MCM9: variants seen among roughly 807,000 people sequenced by gnomAD.
MCM9 encodes the protein DNA helicase MCM9.
In MCM9, 55 loss-of-function variants were observed where a neutral mutation model predicts 72.8. That is an observed-to-expected ratio of 0.76 (90% CI 0.61 to 0.95). The LOEUF (loss-of-function observed/expected upper bound fraction) is 0.95. Among genes scored for constraint, MCM9 ranks in the 40% least tolerant of loss-of-function variants. The probability of loss-of-function intolerance (pLI) is 0.00; values close to 1 mark genes in which losing one functional copy is unlikely to be tolerated. For synonymous variants in MCM9, 480 were observed against 503.4 expected (o/e 0.95, Z 0.62); for missense variants, 1,279 against 1,377.0 (o/e 0.93, Z 1.13).
chr6:118,838,213 G>C (rs569953507), intron 9 of MCM9, among the ~76,000 whole-genome samples: 1 of 148,088 alleles, frequency 6.8e-6, no homozygotes, highest in Admixed American at 6.8e-5. Flanking sequence ...CAGGTTGTGA[G>C]TGCAGTGGCA....
intron 9 of MCM9, among the ~76,000 whole-genome samples, chr6:118,843,720 G>GTATGTATGTA (rs1775657861): frequency 1.3e-3 from 130 of 101,976 alleles, no homozygotes; most frequent in Non-Finnish European, 2.0e-3. Flanking sequence ...ATATATATAT[G>GTATGTATGTA]TATATATATA....
chr6:118,850,034 G>A (rs794870), intron 9 of MCM9, among the ~76,000 whole-genome samples: 121,898 of 151,778 alleles, frequency 0.8, 49,724 homozygotes, highest in South Asian at 0.92. Flanking sequence ...GCTATATTTT[G>A]CAAATTTGGA....
intron 8 of MCM9, among the ~76,000 whole-genome samples, chr6:118,910,116 CAAAA>C (rs67533661): frequency 0.029 from 3,176 of 110,752 alleles, 151 homozygotes; most frequent in Admixed American, 0.14. Context: ...GACTCTATCT[CAAAA>C]AAAAAAAAAA....
At chr6:118,844,899 C>A (rs893428795) in intron 9 of MCM9, among the ~76,000 whole-genome samples, 1 of 151,838 alleles carries the variant, frequency 6.6e-6, no homozygotes, top group Admixed American at 6.6e-5. Context: ...GTCTTCATTA[C>A]AGTTCTGGAC....
At chr6:118,912,464 A>C (rs1290831964) in intron 7 of MCM9, 1 of 152,212 alleles carries the variant, frequency 6.6e-6, no homozygotes, top group Admixed American at 6.5e-5. Context: ...TCACTGACCA[A>C]GTTTCTTCAG....
intron 8 of MCM9, among the ~76,000 whole-genome samples, chr6:118,894,991 C>T (rs1779270228): frequency 6.6e-6 from 1 of 152,164 alleles, no homozygotes; most frequent in Admixed American, 6.5e-5. Context: ...GCGACCCCGG[C>T]GCACGGCGCC....
chr6:118,857,041 T>C (rs763203739), intron 8 of MCM9, among the ~76,000 whole-genome samples: 1 of 152,220 alleles, frequency 6.6e-6, no homozygotes, highest in Non-Finnish European at 1.5e-5. Flanking sequence ...TAAGCTCCTA[T>C]GTTCTAAAAA....
chr6:118,867,633 C>T (rs184487693), intron 8 of MCM9, among the ~76,000 whole-genome samples: 192 of 152,196 alleles, frequency 1.3e-3, no homozygotes, highest in African/African-American at 4.4e-3. Context: ...CAGTAACATG[C>T]TGTACAGGTT....
At position 118,930,242 on chromosome 6, in the gene MCM9, C is replaced by T. The variant is rs1019157021; in HGVS notation, c.304+1178G>A. ...TCTCCTGCCTCAGCCTTCTGAGTAG[C>T]TGGGACTACAGGCGCCCGCCACCAT... On this transcript the variant is annotated intron_variant, in intron 3 of 13. Coordinates refer to ENST00000619706, the MANE Select transcript of MCM9 (RefSeq NM_017696.3). Among the ~76,000 whole-genome samples, 3 of 152,108 alleles carry T rather than the reference C, an allele frequency of 2.0e-5. 1 individual carries two copies. The highest frequency in any genetic ancestry group is 2.0e-4 in the Admixed American group (3 of 15,276).
Position 118,874,155 on chromosome 6 carries a change from T to G in MCM9, c.1151-17610A>C, listed in dbSNP as rs189181826. Among the ~76,000 whole-genome samples the G allele has an allele frequency of 6.2e-4, 95 of 152,238 alleles. 3 individuals carry two copies. In the East Asian group the frequency reaches 0.018, roughly 28 times the overall value. On this transcript the variant is annotated intron_variant, in intron 8 of 13. Coordinates refer to ENST00000619706, the MANE Select transcript of MCM9 (RefSeq NM_017696.3). ...CTGTAGTCCTAGCTACTCAGGAGGC[T>G]GAGGTGGGAGGATCACTTGAACCTG...
intron 7 of MCM9, 194 bp from the exon 8 acceptor site, chr6:118,911,963 C>A: frequency 2.4e-6 from 1 of 424,590 alleles, no homozygotes. Flanking sequence ...GACATAGAAT[C>A]TAAATTCTAT....
rs149472463 is a variant in MCM9, at chr6:118,846,179, A to C, written c.1325+10192T>G. On this transcript the variant is annotated intron_variant, in intron 9 of 13. Transcript: ENST00000619706. The stretch of plus-strand genomic sequence containing the variant: ...GATAATGGCAGCTACTTATAGCCAT[A>C]CTTCAACATATCCTCCAAAGACCTT... Among the ~76,000 whole-genome samples the C allele has an allele frequency of 4.5e-3, 680 of 152,102 alleles. 14 individuals carry two copies. The East Asian group carries it at 0.048, about 11-fold the overall frequency.
intron 9 of MCM9, among the ~76,000 whole-genome samples, chr6:118,852,299 A>G (rs1776281181): frequency 6.6e-6 from 1 of 152,212 alleles, no homozygotes; most frequent in Admixed American, 6.5e-5. Context: ...GATGGTTTAA[A>G]GGAGAAATAA....
intron 8 of MCM9, among the ~76,000 whole-genome samples, chr6:118,874,127 T>C (rs967130565): frequency 6.6e-6 from 1 of 151,946 alleles, no homozygotes; most frequent in African/African-American, 2.4e-5. Context: ...TGGTGGTGCA[T>C]GCCTGTAGTC....
At chr6:118,843,702 A>ATATGTATGTGTGTGTG (rs1562407268) in intron 9 of MCM9, among the ~76,000 whole-genome samples, 4 of 44,804 alleles carry the variant, frequency 8.9e-5, no homozygotes, top group African/African-American at 3.8e-4. Context: ...ATATATATAT[A>ATATGTATGTGTGTGTG]TGTATGTATA....
chr6:118,898,577 A>G (rs1189871037), intron 8 of MCM9, among the ~76,000 whole-genome samples: 1 of 151,890 alleles, frequency 6.6e-6, no homozygotes, highest in African/African-American at 2.4e-5. Flanking sequence ...GGCATGTGCC[A>G]CCCCTAATTT....
chr6:118,893,085 A>G (rs969789714), intron 8 of MCM9, among the ~76,000 whole-genome samples: 6 of 152,224 alleles, frequency 3.9e-5, no homozygotes, highest in Non-Finnish European at 8.8e-5. Flanking sequence ...GCTAGCAGAT[A>G]ATAAAACAAA....
chr6:118,827,933 C>T lies in MCM9; in HGVS notation c.1726G>A (p.Ala576Thr), dbSNP rs750276601. 1.5e-5 allele frequency: 23 copies of T among 1,550,776 alleles called. No homozygotes were observed. The South Asian group carries it at 2.7e-4, about 18-fold the overall frequency. ...TTCGCTGAATGAAATAGACCTTCTG[C>T]TAATCGTATCAAGCTTTCCAACAGC... ...IRLLESLIRL[A>T]EAHARLMFRD... The change falls in exon 11 of 14, where the codon GCA becomes ACA. Residue 576 changes from alanine to threonine, a missense_variant. Coordinates refer to ENST00000619706, the MANE Select transcript of MCM9 (RefSeq NM_017696.3).
At chr6:118,837,202 A>T (rs990587768) in intron 9 of MCM9, among the ~76,000 whole-genome samples, 1 of 152,122 alleles carries the variant, frequency 6.6e-6, no homozygotes, top group Non-Finnish European at 1.5e-5. Flanking sequence ...CCTGAGTTCT[A>T]ATTTGATTGC....
Sources: gnomAD v4.1 joint callset for allele counts (sites outside exome capture counted in the v4.1 genomes callset) on GRCh38, gnomAD v4.1.1 for gene constraint, MANE v1.5 for transcripts, NCBI Gene and HGNC (gene_info 2026-07-23, HGNC 2026-07-21) for gene names.